Variants in ALPK3 observed in about 807,000 individuals in gnomAD.
ALPK3 encodes alpha kinase 3.
A neutral mutation model predicts 140.0 loss-of-function variants in ALPK3; 102 were observed. That is an observed-to-expected ratio of 0.73 (90% CI 0.62 to 0.86). ALPK3 has a LOEUF of 0.86. ALPK3 is among the 40% of genes least tolerant of loss of function. The probability of loss-of-function intolerance (pLI) is 0.00; values close to 1 mark genes in which losing one functional copy is unlikely to be tolerated. For synonymous variants in ALPK3, 938 were observed against 898.5 expected (o/e 1.04, Z -0.79); for missense variants, 2,254 against 2,208.2 (o/e 1.02, Z -0.42).
intron 3 of ALPK3, among the ~76,000 whole-genome samples, chr15:84,838,722 C>T (rs1237821072): frequency 2.0e-5 from 3 of 151,646 alleles, no homozygotes; most frequent in African/African-American, 7.3e-5. Context: ...TGGGTTCAAG[C>T]GATTCTCCTG....
chr15:84,839,732 G>A lies in ALPK3; in HGVS notation c.453G>A (p.Gln151=), dbSNP rs746193175. The A allele has an allele frequency of 6.8e-6, 11 of 1,610,586 alleles. No homozygotes were observed. Among genetic ancestry groups the A allele is most frequent in the Non-Finnish European group, 8.5e-7 (1 of 1,177,682 alleles). The change falls in exon 5 of 14, where the codon CAG becomes CAA. Residue 151 remains glutamine (Q), a synonymous_variant. Coordinates refer to ENST00000258888, the MANE Select transcript of ALPK3 (RefSeq NM_020778.5). ...GAGAAGAAGATGCCGCCATCTACCA[G>A]GCCTCTGCCCAGAACAGCAAGGGCA... The part of the protein sequence containing the change: ...RCREEDAAIY[Q]ASAQNSKGIV...
chr15:84,847,208 G>GGA (rs55944419), intron 5 of ALPK3, among the ~76,000 whole-genome samples: 1,784 of 116,516 alleles, frequency 0.015, 35 homozygotes, highest in African/African-American at 0.031. Context: ...GGAGAAACGG[G>GGA]GAGAGAGAGA....
At chr15:84,865,643 C>T (rs777210428) in intron 12 of ALPK3, among the ~76,000 whole-genome samples, 43 of 152,190 alleles carry the variant, frequency 2.8e-4, no homozygotes, top group Non-Finnish European at 4.4e-4. Context: ...TACTGTGAGA[C>T]GATAACGTGG....
chr15:84,855,967 C>T (rs998469114), intron 5 of ALPK3, among the ~76,000 whole-genome samples: 1 of 152,204 alleles, frequency 6.6e-6, no homozygotes, highest in Non-Finnish European at 1.5e-5. Context: ...CACTCTCTCA[C>T]TTCACCCATA....
chr15:84,859,476 C>A, intron 7 of ALPK3, 86 bp downstream of exon 7: 1 of 1,511,660 alleles, frequency 6.6e-7, no homozygotes, highest in Non-Finnish European at 8.9e-7. Flanking sequence ...TTGAACCTAT[C>A]GCCTCATTAA....
At position 84,864,659 on chromosome 15, in the gene ALPK3, T is replaced by C; in HGVS notation, c.4717T>C (p.Leu1573=). The change falls in exon 12 of 14, where the codon TTG becomes CTG. Residue 1573 remains leucine, a synonymous_variant. Coordinates refer to ENST00000258888, the MANE Select transcript of ALPK3 (RefSeq NM_020778.5). ...WTNGSFLVTD[L]AGVDWKMTDV... ...AAATGGCAGCTTCCTTGTCACAGAC[T>C]TGGCAGGTACGAGGGTGTGAGGGTG... The C allele has an allele frequency of 6.2e-7, 1 of 1,614,032 alleles. No individual in the cohort carries two copies. Among genetic ancestry groups the C allele is most frequent in the Non-Finnish European group, 8.5e-7 (1 of 1,179,862 alleles).
chr15:84,860,596 C>T (rs531256382), intron 9 of ALPK3, among the ~76,000 whole-genome samples: 1 of 152,332 alleles, frequency 6.6e-6, no homozygotes, highest in East Asian at 1.9e-4. Flanking sequence ...CGTACTGCTC[C>T]TACAAGAGAC....
At chr15:84,859,185 G>A in intron 6 of ALPK3, 58 bp from the exon 7 acceptor site, 2 of 1,604,530 alleles carry the variant, frequency 1.2e-6, no homozygotes, top group Non-Finnish European at 1.7e-6. Context: ...ACCCAGGAGA[G>A]CAAGGATATG....
intron 1 of ALPK3, among the ~76,000 whole-genome samples, chr15:84,820,188 A>G (rs1376276656): frequency 6.6e-6 from 1 of 152,282 alleles, no homozygotes; most frequent in East Asian, 1.9e-4. Flanking sequence ...GACACTCAGA[A>G]GTTCCAGAAA....
intron 5 of ALPK3, among the ~76,000 whole-genome samples, chr15:84,846,899 G>A (rs1963737237): frequency 6.6e-6 from 1 of 152,032 alleles, no homozygotes; most frequent in Non-Finnish European, 1.5e-5. Context: ...TGAGGGAGTA[G>A]CTGGGATTAC....
chr15:84,860,080 TC>T lies in ALPK3; in HGVS notation c.4129+14del. ...CCAGAGAAGAAGGTGAAGGTATGGT[TC>T]CCCCCTGGGGAAGGCGGGGTGGTCC... is the stretch of plus-strand genomic sequence containing the variant. On this transcript the variant is annotated intron_variant, in intron 9 of 13. Transcript: ENST00000258888. The T allele has an allele frequency of 6.2e-7, 1 of 1,613,760 alleles. No homozygotes were observed. Among genetic ancestry groups the T allele is most frequent in the Non-Finnish European group, 8.5e-7 (1 of 1,179,922 alleles).
At chr15:84,818,913 C>T (rs553596577) in intron 1 of ALPK3, among the ~76,000 whole-genome samples, 1 of 152,318 alleles carries the variant, frequency 6.6e-6, no homozygotes, top group Admixed American at 6.5e-5. Flanking sequence ...AAGCTGACTC[C>T]CTTGTGGGAG....
Position 84,827,532 on chromosome 15 carries a change from G to A in ALPK3, c.231G>A (p.Pro77=), listed in dbSNP as rs186885283. ...IIAQLTEETQ[P]LFETTLKSRS... ...CTCAGCTCACAGAGGAGACCCAGCC[G>A]CTATTTGAGACCACGCTCAAGTCCC... Residue 77 remains proline (P), a synonymous_variant, in exon 3 of 14, where the codon CCG becomes CCA. Transcript: ENST00000258888. 19 of 1,614,168 alleles carry A rather than the reference G, an allele frequency of 1.2e-5. No individual in the cohort carries two copies. Among genetic ancestry groups the A allele is most frequent in the African/African-American group, 9.3e-5 (7 of 75,068 alleles).
Position 84,870,056 on chromosome 15 carries a change from CTG to C in ALPK3, c.*1601_*1602del, listed in dbSNP as rs1433375538. ...GGAAGGAAGCACAGAGCTGGGGGCT[CTG>C]GAAACGCCCTGTGTCTCTGGCTACA... On this transcript the variant is annotated 3_prime_UTR_variant, in exon 14 of 14. Transcript: ENST00000258888. 1 of 152,198 alleles carries C rather than the reference CTG, an allele frequency of 6.6e-6. No homozygotes were observed. Among genetic ancestry groups the C allele is most frequent in the Non-Finnish European group, 1.5e-5 (1 of 68,046 alleles). 9.4% of individuals were successfully genotyped at this position (152,198 alleles called of 1,614,324 possible). A position where few individuals can be genotyped will look rare whatever the true frequency, so the allele number is the denominator to read the frequency against.
At chr15:84,818,955 T>A (rs1180057027) in intron 1 of ALPK3, among the ~76,000 whole-genome samples, 2 of 152,206 alleles carry the variant, frequency 1.3e-5, no homozygotes, top group Non-Finnish European at 2.9e-5. Flanking sequence ...TTGTCTGGGC[T>A]TTGCCTCCTG....
chr15:84,819,410 G>A (rs1671456750), intron 1 of ALPK3, among the ~76,000 whole-genome samples: 1 of 152,230 alleles, frequency 6.6e-6, no homozygotes, highest in Admixed American at 6.5e-5. Flanking sequence ...CAGACCCCTA[G>A]AGGTTCTGAG....
intron 5 of ALPK3, among the ~76,000 whole-genome samples, chr15:84,847,949 C>G (rs989629496): frequency 1.3e-5 from 2 of 151,800 alleles, no homozygotes; most frequent in Admixed American, 6.6e-5. Flanking sequence ...GTAATCCCAG[C>G]TACTGGGGAG....
intron 3 of ALPK3, among the ~76,000 whole-genome samples, chr15:84,833,597 C>T (rs73437941): frequency 0.064 from 9,808 of 152,274 alleles, 386 homozygotes; most frequent in African/African-American, 0.09. Context: ...TCCTTCCTCA[C>T]TGCTGATAGC....
At chr15:84,859,997 G>A in intron 8 of ALPK3, 40 bp from the exon 9 acceptor site, 1 of 1,614,040 alleles carries the variant, frequency 6.2e-7, no homozygotes, top group Non-Finnish European at 8.5e-7. Flanking sequence ...TCTTGGCACA[G>A]CAGCCTGAAG....
Sources: gnomAD v4.1 joint callset for allele counts (sites outside exome capture counted in the v4.1 genomes callset) on GRCh38, gnomAD v4.1.1 for gene constraint, MANE v1.5 for transcripts, NCBI Gene and HGNC (gene_info 2026-07-23, HGNC 2026-07-21) for gene names.